Variants in IGSF5 observed in about 807,000 individuals in gnomAD.
IGSF5 encodes immunoglobulin superfamily member 5, also known as immunoglobulin superfamily 5 like.
Under a neutral mutation model 39.4 loss-of-function variants are expected in IGSF5, and 41 were observed. That is an observed-to-expected ratio of 1.04 (90% CI 0.81 to 1.35). The LOEUF is 1.35. IGSF5 is among the 40% of genes most tolerant of loss of function. IGSF5 has a pLI of 0.00. For missense variants in IGSF5, 487 were observed against 494.6 expected (o/e 0.98, Z 0.15); for synonymous variants, 183 against 175.3 (o/e 1.04, Z -0.34).
chr21:39,754,817 T>G (rs1162591976), intron 2 of IGSF5, among the ~76,000 whole-genome samples: 1 of 152,194 alleles, frequency 6.6e-6, no homozygotes, highest in African/African-American at 2.4e-5. Flanking sequence ...GCTTGTCTGA[T>G]TTCAGTTAAA....
chr21:39,748,890 C>G (rs1277988597), intron 2 of IGSF5, among the ~76,000 whole-genome samples: 1 of 152,124 alleles, frequency 6.6e-6, no homozygotes, highest in Admixed American at 6.5e-5. Flanking sequence ...TGAAGTCATC[C>G]TGAGAAAGTT....
chr21:39,741,097 TTTTC>T (rs1158239741), upstream of IGSF5, among the ~76,000 whole-genome samples: 9 of 152,198 alleles, frequency 5.9e-5, no homozygotes, highest in South Asian at 4.1e-4. Context: ...ATGTTTTTTT[TTTTC>T]TTTGTTTGTT....
At chr21:39,754,600 G>T (rs530750712) in intron 2 of IGSF5, among the ~76,000 whole-genome samples, 9 of 152,128 alleles carry the variant, frequency 5.9e-5, no homozygotes, top group Non-Finnish European at 1.3e-4. Flanking sequence ...GTCAGGACAG[G>T]GAGGAATTGG....
chr21:39,749,658 A>G (rs563619181), intron 2 of IGSF5, among the ~76,000 whole-genome samples: 1 of 152,232 alleles, frequency 6.6e-6, no homozygotes, highest in Non-Finnish European at 1.5e-5. Context: ...GACATCAATC[A>G]ATAAGTGTAA....
the IGSF5 span, among the ~76,000 whole-genome samples, chr21:39,739,885 G>A: frequency 3.0e-4 from 46 of 152,158 alleles, no homozygotes; most frequent in Non-Finnish European, 5.4e-4. Context: ...AAGATACAGG[G>A]ATTCAAATGT....
chr21:39,762,753 G>T (rs2146278016), intron 2 of IGSF5, among the ~76,000 whole-genome samples: 1 of 152,280 alleles, frequency 6.6e-6, no homozygotes, highest in Middle Eastern at 3.4e-3. Flanking sequence ...AGGTTGGAAA[G>T]CAGCCCCCAC....
chr21:39,767,688 C>G (rs1199276277), intron 3 of IGSF5, among the ~76,000 whole-genome samples: 1 of 152,154 alleles, frequency 6.6e-6, no homozygotes, highest in East Asian at 1.9e-4. Context: ...CAGTTTCTTT[C>G]TTTAGAACCT....
intron 1 of IGSF5, among the ~76,000 whole-genome samples, chr21:39,745,953 G>T (rs981700080): frequency 6.6e-6 from 1 of 152,176 alleles, no homozygotes; most frequent in African/African-American, 2.4e-5. Context: ...TCCCAAGATG[G>T]TGGTGAGCCA....
intron 6 of IGSF5, among the ~76,000 whole-genome samples, chr21:39,789,440 C>T (rs463652): frequency 0.34 from 51,688 of 151,964 alleles, 9,553 homozygotes; most frequent in Non-Finnish European, 0.43. Context: ...GCACCTTTGT[C>T]TCCGTGCAGC....
chr21:39,755,586 CAAAA>C (rs11331220), intron 2 of IGSF5, among the ~76,000 whole-genome samples: 3 of 133,980 alleles, frequency 2.2e-5, no homozygotes, highest in Admixed American at 1.5e-4. Flanking sequence ...GACTCCATCT[CAAAA>C]AAAAAAAAAA....
At chr21:39,763,011 G>T (rs1386508947) in intron 2 of IGSF5, among the ~76,000 whole-genome samples, 1 of 152,146 alleles carries the variant, frequency 6.6e-6, no homozygotes, top group African/African-American at 2.4e-5. Context: ...GGTTTTAAGT[G>T]AGGCAGGTGA....
the IGSF5 span, chr21:39,729,344 A>G: frequency 1.3e-5 from 2 of 152,232 alleles, no homozygotes; most frequent in Non-Finnish European, 1.5e-5. Context: ...CACCATGACC[A>G]TGCCTAGATT....
chr21:39,763,264 C>A (rs1442711955), intron 2 of IGSF5, among the ~76,000 whole-genome samples: 7 of 152,170 alleles, frequency 4.6e-5, no homozygotes, highest in Admixed American at 4.6e-4. Context: ...CATCTCACTG[C>A]CTGACCTTGC....
At chr21:39,731,382 A>G in the IGSF5 span, among the ~76,000 whole-genome samples, 1 of 152,204 alleles carries the variant, frequency 6.6e-6, no homozygotes, top group Non-Finnish European at 1.5e-5. Context: ...TGGCTGTGGT[A>G]TAAGTCCTGA....
At chr21:39,767,799 C>A (rs1024634407) in intron 3 of IGSF5, among the ~76,000 whole-genome samples, 1 of 152,070 alleles carries the variant, frequency 6.6e-6, no homozygotes, top group African/African-American at 2.4e-5. Context: ...AGGTTCCAGT[C>A]GGGAGGGGAG....
the IGSF5 span, among the ~76,000 whole-genome samples, chr21:39,725,205 C>T: frequency 2.0e-5 from 3 of 152,226 alleles, no homozygotes; most frequent in Non-Finnish European, 4.4e-5. Context: ...ATGTAAAACC[C>T]TGAAATGTAA....
At chr21:39,795,066 G>A (rs1251148772) in intron 8 of IGSF5, among the ~76,000 whole-genome samples, 3 of 152,176 alleles carry the variant, frequency 2.0e-5, no homozygotes, top group African/African-American at 7.2e-5. Context: ...TGAGGGGCCT[G>A]GGGCATAAAG....
intron 2 of IGSF5, among the ~76,000 whole-genome samples, chr21:39,758,374 C>T (rs1169803073): frequency 1.3e-5 from 2 of 152,166 alleles, no homozygotes; most frequent in Non-Finnish European, 2.9e-5. Flanking sequence ...CATCACTGTC[C>T]TGGGAGTCTG....
At chr21:39,746,426 T>C (rs1735142) in intron 2 of IGSF5, 128 bp downstream of exon 2, 468,945 of 571,366 alleles carry the variant, frequency 0.82, 193,293 homozygotes, top group Admixed American at 0.87. Context: ...AGGGGGTTGC[T>C]CCCATCCCTC....
Sources: allele counts gnomAD v4.1 joint callset (sites outside exome capture counted in the v4.1 genomes callset), GRCh38; gene constraint gnomAD v4.1.1; transcripts MANE v1.5; gene names NCBI Gene and HGNC (gene_info 2026-07-23, HGNC 2026-07-21).